Variants in SNX25 observed in about 807,000 individuals in gnomAD.
SNX25 encodes sorting nexin-25.
A neutral mutation model predicts 113.7 loss-of-function variants in SNX25; 62 were observed. The observed-to-expected ratio is 0.55, with a 90% CI of 0.44 to 0.67. SNX25 has a LOEUF of 0.67. Ranked by LOEUF, SNX25 falls within the 30% of genes least tolerant of loss-of-function variation. The pLI is 0.00. For missense variants in SNX25, 1,014 were observed against 1,161.0 expected, an observed-to-expected ratio of 0.87 and a Z score of 1.84; for synonymous variants, 421 against 436.2, an observed-to-expected ratio of 0.97 and a Z score of 0.43.
At chr4:185,220,484 C>CTTTTT (rs33968295) in intron 1 of SNX25, among the ~76,000 whole-genome samples, 3 of 131,870 alleles carry the variant, frequency 2.3e-5, no homozygotes, top group Admixed American at 8.1e-5. Context: ...AACTGAGTCC[C>CTTTTT]TTTTTTTTTT....
chr4:185,288,444 CA>C (rs1293041631), intron 6 of SNX25, among the ~76,000 whole-genome samples: 1 of 151,922 alleles, frequency 6.6e-6, no homozygotes, highest in Admixed American at 6.6e-5. Context: ...TCTTGATGGT[CA>C]TTTAAATGAC....
At position 185,225,881 on chromosome 4, in the gene SNX25, C is replaced by G. The variant is rs147978419; in HGVS notation, c.429+15626C>G. Among the ~76,000 whole-genome samples the G allele has an allele frequency of 6.7e-3, 1,021 of 152,300 alleles. 7 individuals carry two copies. Among genetic ancestry groups the G allele is most frequent in the Non-Finnish European group, 0.011 (723 of 68,032 alleles). On this transcript the variant is annotated intron_variant, in intron 1 of 18. Transcript: ENST00000652585. ...AAACCCACGTCTCTCTTAATTAACTCTGGAGTCTACACACTTAAACACTTT... is the reference window on the plus strand; with the variant it reads ...AAACCCACGTCTCTCTTAATTAACTGTGGAGTCTACACACTTAAACACTTT...
At chr4:185,240,088 G>A (rs971882476) in intron 1 of SNX25, among the ~76,000 whole-genome samples, 1 of 151,770 alleles carries the variant, frequency 6.6e-6, no homozygotes, top group Non-Finnish European at 1.5e-5. Flanking sequence ...TGGGGGTAAG[G>A]TCATAGATCA....
rs1304767440 is a variant in SNX25, at chr4:185,334,434, T to TC, written c.1914+1680dup. ...GATTGTCATCAGAAATAGTTCATTCTCCCCCTTATGTGGAGTCACTCCCAT... is the reference window on the plus strand; with the variant it reads ...GATTGTCATCAGAAATAGTTCATTCTCCCCCCTTATGTGGAGTCACTCCCAT... On this transcript the variant is annotated intron_variant, in intron 10 of 18. Transcript: ENST00000652585. The surrounding 1 kb of genome is among the most constrained non-coding windows in gnomAD (Gnocchi z 4.2). Among the ~76,000 whole-genome samples the TC allele has an allele frequency of 6.6e-6, 1 of 152,118 alleles. No homozygotes were observed. The highest frequency in any genetic ancestry group is 2.4e-5 in the African/African-American group (1 of 41,412).
In SNX25 at chr4:185,222,070, A is replaced by T. The variant is rs1383287947; in HGVS notation, c.429+11815A>T. Among the ~76,000 whole-genome samples, 13 of 27,674 alleles carry T rather than the reference A, an allele frequency of 4.7e-4. No individual in the cohort carries two copies. In the Admixed American group the frequency reaches 5.2e-3, roughly 11 times the overall value. The allele number at this position is 27,674 out of a possible 152,430, so 18.2% of individuals were successfully genotyped here. On this transcript the variant is annotated intron_variant, in intron 1 of 18. Coordinates refer to ENST00000652585, the MANE Select transcript of SNX25 (RefSeq NM_001378034.2). ...GCACCATATACCCCTCCTTCATGGT[A>T]GGTATATAGCGCCATATACCCCTCC...
rs540335536 is a variant in SNX25, at chr4:185,356,027, G to A, written c.2585-1644G>A. On this transcript the variant is annotated intron_variant, in intron 15 of 18. Transcript: ENST00000652585. ...GGTTTTGCTAGTGGCATTTCAGAGAGAATAAATAGAACCTCATATATAATG... is the reference window on the plus strand; with the variant it reads ...GGTTTTGCTAGTGGCATTTCAGAGAAAATAAATAGAACCTCATATATAATG... 2.6e-5 allele frequency among the ~76,000 whole-genome samples: 4 copies of A among 152,296 alleles called. No individual in the cohort carries two copies. The East Asian group carries it at 7.7e-4, about 29-fold the overall frequency.
At chr4:185,346,359 T>C (rs549506251) in intron 12 of SNX25, among the ~76,000 whole-genome samples, 178 bp from the exon 13 acceptor site, 2 of 152,338 alleles carry the variant, frequency 1.3e-5, no homozygotes, top group South Asian at 4.1e-4. Context: ...TTTAGTTTTT[T>C]CCATCAAAGT....
intron 4 of SNX25, among the ~76,000 whole-genome samples, chr4:185,266,029 G>C (rs1288215353): frequency 6.6e-6 from 1 of 152,138 alleles, no homozygotes; most frequent in Non-Finnish European, 1.5e-5. Flanking sequence ...GCTTAGTCAG[G>C]ATAAGAGAAA....
At chr4:185,321,336 C>T (rs1375407095) in intron 8 of SNX25, among the ~76,000 whole-genome samples, 2 of 150,190 alleles carry the variant, frequency 1.3e-5, no homozygotes, top group Non-Finnish European at 2.9e-5. Context: ...GATCTCGGCT[C>T]ACTGCAACCT....
chr4:185,377,497 A>C, the SNX25 span: 1 of 167,404 alleles, frequency 6.0e-6, no homozygotes, highest in Non-Finnish European at 1.3e-5. Context: ...AAGCCTGGGC[A>C]ACAAGAGCGA....
chr4:185,376,964 A>C, the SNX25 span: 1 of 1,614,078 alleles, frequency 6.2e-7, no homozygotes, highest in Non-Finnish European at 8.5e-7. Flanking sequence ...TCCTTTCAGT[A>C]TTCTTTCCTT....
chr4:185,369,786 C>G (rs1399608590), exon 12 of SNX25: 2 of 441,378 alleles, frequency 4.5e-6, no homozygotes, highest in Non-Finnish European at 9.1e-6. Context: ...TCCTAGAGAC[C>G]ATGATTGAAA....
intron 7 of SNX25, among the ~76,000 whole-genome samples, chr4:185,312,585 C>T (rs188432847): frequency 2.6e-4 from 39 of 150,808 alleles, no homozygotes; most frequent in Admixed American, 6.6e-4. Context: ...TGCATTGGCG[C>T]GATATCGGCT....
chr4:185,370,041 T>A (rs934825264), exon 12 of SNX25: 10 of 175,764 alleles, frequency 5.7e-5, no homozygotes, highest in Admixed American at 2.5e-4. Context: ...TTTCTTTTTT[T>A]AAAAAAAATC....
intron 5 of SNX25, 81 bp downstream of exon 5, chr4:185,267,236 A>T (rs1182240282): frequency 7.6e-7 from 1 of 1,322,654 alleles, no homozygotes; most frequent in South Asian, 1.3e-5. Flanking sequence ...AAAAAAAAGT[A>T]GTTGTCAGGG....
At chr4:185,292,487 C>T (rs1002196170) in intron 6 of SNX25, among the ~76,000 whole-genome samples, 1 of 152,154 alleles carries the variant, frequency 6.6e-6, no homozygotes, top group Non-Finnish European at 1.5e-5. Context: ...CAACTTCCGC[C>T]TCCCAAATTC....
At chr4:185,307,809 G>A (rs1754669101) in intron 6 of SNX25, among the ~76,000 whole-genome samples, 1 of 152,084 alleles carries the variant, frequency 6.6e-6, no homozygotes, top group Non-Finnish European at 1.5e-5. Context: ...TGCTCAAGCT[G>A]GAGTACAGGA....
chr4:185,332,722 T>G lies in SNX25; in HGVS notation c.1877T>G (p.Leu626Arg). The G allele has an allele frequency of 6.2e-7, 1 of 1,613,974 alleles. No individual in the cohort carries two copies. The highest frequency in any genetic ancestry group is 1.1e-5 in the South Asian group (1 of 91,062). ...NEKLEYKRQALNSIQNAPKPD... is the reference protein window; with the variant it reads ...NEKLEYKRQARNSIQNAPKPD... ...AAACTTGAATATAAAAGGCAAGCTC[T>G]AAATTCTATTCAAAATGCACCAAAA... Residue 626 changes from leucine (L) to arginine (R), a missense_variant, in exon 10 of 19, where the codon CTA becomes CGA. Transcript: ENST00000652585.
At chr4:185,307,144 C>G (rs1164838630) in intron 6 of SNX25, among the ~76,000 whole-genome samples, 1 of 152,140 alleles carries the variant, frequency 6.6e-6, no homozygotes, top group Non-Finnish European at 1.5e-5. Context: ...TAAGTTTTTT[C>G]AGCTAATTTT....
Sources: allele counts gnomAD v4.1 joint callset (sites outside exome capture counted in the v4.1 genomes callset), GRCh38; gene constraint gnomAD v4.1.1; non-coding constraint Gnocchi (gnomAD v3.1); transcripts MANE v1.5; gene names NCBI Gene and HGNC (gene_info 2026-07-23, HGNC 2026-07-21).